The following USP13 variants were observed in gnomAD, a reference collection of about 807,000 sequenced individuals.
The protein encoded by USP13 is ubiquitin carboxyl-terminal hydrolase 13.
USP13 carries 68 observed loss-of-function variants against 107.8 expected under a neutral mutation model. The observed-to-expected ratio is 0.63, with a 90% CI of 0.52 to 0.77. The LOEUF (loss-of-function observed/expected upper bound fraction) is 0.77. Among genes scored for constraint, USP13 ranks in the 30% least tolerant of loss-of-function variants. The pLI is 0.00. For synonymous variants in USP13, 377 were observed against 389.5 expected, an observed-to-expected ratio of 0.97 and a Z score of 0.38; for missense variants, 945 against 1,093.3, an observed-to-expected ratio of 0.86 and a Z score of 1.91.
chr3:179,745,083 A>T lies in USP13; in HGVS notation c.1575A>T (p.Glu525Asp). The part of the protein sequence containing the change: ...IAYELTRREA[E>D]ANRRPLPELV... ...ATGAACTAACGAGAAGGGAAGCAGA[A>T]GCAAACAGAAGACCCCTTCCTGAGT... The change falls in exon 13 of 21, where the codon GAA (glutamate) becomes GAT (aspartate). Residue 525 changes from glutamate (E) to aspartate (D), a missense_variant. Transcript: ENST00000263966. The T allele has an allele frequency of 1.2e-6, 2 of 1,614,212 alleles. No homozygotes were observed. The highest frequency in any genetic ancestry group is 1.7e-6 in the Non-Finnish European group (2 of 1,180,052).
intron 10 of USP13, among the ~76,000 whole-genome samples, chr3:179,733,386 GTGTCCGTTTCAAGCTGTTCCT>G (rs1400905288): frequency 8.5e-5 from 13 of 152,172 alleles, no homozygotes; most frequent in Non-Finnish European, 1.6e-4. Context: ...GGCCCTGGGG[GTGTCCGTTTCAAGCTGTTCCT>G]TGAATAGACA....
chr3:179,728,145 G>A (rs1309753322), intron 8 of USP13, among the ~76,000 whole-genome samples: 106 of 131,952 alleles, frequency 8.0e-4, no homozygotes, highest in African/African-American at 2.6e-3. Flanking sequence ...CAGTAGGGGC[G>A]GCCGGGCAGA....
intron 13 of USP13, 56 bp downstream of exon 13, chr3:179,745,273 G>A: frequency 2.4e-6 from 3 of 1,226,060 alleles, no homozygotes; most frequent in Admixed American, 3.6e-5. Flanking sequence ...GAGGGGTGGG[G>A]ACAGGGGTAA....
rs186355329 is a variant in USP13 at position 179,740,827 on chromosome 3, C to A, written c.1380+455C>A. 2.6e-3 allele frequency among the ~76,000 whole-genome samples: 393 copies of A among 151,136 alleles called. 2 individuals carry two copies. The highest frequency in any genetic ancestry group is 9.1e-3 in the African/African-American group (375 of 41,060). On this transcript the variant is annotated intron_variant, in intron 11 of 20. Transcript: ENST00000263966. Reference sequence around the variant, plus strand: ...TGTTGCCCAGGCTAGAGTGCAGTGGCACAATCTTGGCTCACTGCAACCTCT... The same window carrying A: ...TGTTGCCCAGGCTAGAGTGCAGTGGAACAATCTTGGCTCACTGCAACCTCT...
intron 3 of USP13, among the ~76,000 whole-genome samples, chr3:179,698,091 G>A (rs1231597058): frequency 6.6e-6 from 1 of 152,180 alleles, no homozygotes; most frequent in African/African-American, 2.4e-5. Flanking sequence ...TGTAGTGTGT[G>A]CCAGGCACAG....
chr3:179,765,917 A>C, intron 19 of USP13, 69 bp downstream of exon 19: 2 of 1,503,152 alleles, frequency 1.3e-6, no homozygotes, highest in Non-Finnish European at 9.0e-7. Flanking sequence ...CTTCCCTCCC[A>C]CCACAACATA....
chr3:179,765,930 C>A (rs2108539847), intron 19 of USP13, 82 bp downstream of exon 19: 2 of 1,425,346 alleles, frequency 1.4e-6, no homozygotes, highest in Non-Finnish European at 1.9e-6. Context: ...ACAACATAGT[C>A]AAGCCTTTGC....
intron 4 of USP13, among the ~76,000 whole-genome samples, chr3:179,703,843 A>T (rs191837962): frequency 1.3e-5 from 2 of 152,308 alleles, no homozygotes; most frequent in East Asian, 1.9e-4. Flanking sequence ...ATTATATGTC[A>T]CCTTTTGAAA....
At chr3:179,783,002 C>T (rs1364201236) in intron 20 of USP13, among the ~76,000 whole-genome samples, 1 of 152,136 alleles carries the variant, frequency 6.6e-6, no homozygotes, top group African/African-American at 2.4e-5. Flanking sequence ...GCCTTGGCCT[C>T]CCAAAGTGCT....
At chr3:179,664,967 A>G (rs1451635206) in intron 1 of USP13, among the ~76,000 whole-genome samples, 5 of 152,152 alleles carry the variant, frequency 3.3e-5, no homozygotes, top group Non-Finnish European at 5.9e-5. Flanking sequence ...AGGTGCCTGT[A>G]ATCCCAGCTA....
chr3:179,719,977 T>A lies in USP13; in HGVS notation c.843T>A (p.Asp281Glu), dbSNP rs201368964. The stretch of plus-strand genomic sequence containing the variant: ...TTCAAGAAGAAGAACCTGTTTTGGA[T>A]CCTCATTTGGCCAAGCACTTAGCGC... ...YSFQEEEPVL[D>E]PHLAKHLAHF... Residue 281 changes from aspartate (D) to glutamate (E), a missense_variant, in exon 7 of 21, where the codon GAT becomes GAA. By Grantham distance (45) the Asp-to-Glu change is conservative. Transcript: ENST00000263966. The A allele has an allele frequency of 1.9e-6, 3 of 1,614,134 alleles. No individual in the cohort carries two copies. In the Admixed American group the frequency reaches 5.0e-5, roughly 27 times the overall value.
Position 179,759,004 on chromosome 3 carries a change from C to T in USP13, c.1948+1926C>T, listed in dbSNP as rs531045601. On this transcript the variant is annotated intron_variant, in intron 16 of 20. Transcript: ENST00000263966. ...ATTACACATTTCTTTTTTTTTGAGACGGAGTGTCACTCTGTCACCCAGGCT... is the reference window on the plus strand; with the variant it reads ...ATTACACATTTCTTTTTTTTTGAGATGGAGTGTCACTCTGTCACCCAGGCT... Among the ~76,000 whole-genome samples, 11 of 151,496 alleles carry T rather than the reference C, an allele frequency of 7.3e-5. No individual in the cohort carries two copies. The South Asian group carries it at 8.4e-4, about 12-fold the overall frequency.
At chr3:179,671,638 T>A (rs1720751767) in intron 1 of USP13, among the ~76,000 whole-genome samples, 1 of 152,110 alleles carries the variant, frequency 6.6e-6, no homozygotes, top group Non-Finnish European at 1.5e-5. Context: ...AGCTGAAGAG[T>A]GTTACATTTC....
chr3:179,760,282 G>GTT (rs1363561918), intron 16 of USP13, among the ~76,000 whole-genome samples: 4,812 of 123,410 alleles, frequency 0.039, 415 homozygotes, highest in African/African-American at 0.13. Context: ...GTCTCTTAAT[G>GTT]TTTTTTTTTT....
At chr3:179,740,959 G>T (rs1055955462) in intron 11 of USP13, among the ~76,000 whole-genome samples, 3 of 151,946 alleles carry the variant, frequency 2.0e-5, no homozygotes, top group Non-Finnish European at 4.4e-5. Flanking sequence ...TAGAGATGGG[G>T]TTTCACCATG....
intron 2 of USP13, among the ~76,000 whole-genome samples, chr3:179,688,561 G>A (rs947556649): frequency 1.3e-5 from 2 of 152,168 alleles, no homozygotes; most frequent in Non-Finnish European, 2.9e-5. Flanking sequence ...TGTTGATTTT[G>A]GTTGTTGACT....
chr3:179,696,954 A>G (rs949591778), intron 3 of USP13, among the ~76,000 whole-genome samples: 2 of 152,218 alleles, frequency 1.3e-5, no homozygotes, highest in African/African-American at 4.8e-5. Context: ...TAATGCATTT[A>G]ATTTAAAAAA....
Position 179,761,178 on chromosome 3 carries a change from G to T in USP13, c.2015G>T (p.Arg672Leu), listed in dbSNP as rs200079140. 4 of 1,614,030 alleles carry T rather than the reference G, an allele frequency of 2.5e-6. No homozygotes were observed. Among genetic ancestry groups the T allele is most frequent in the African/African-American group, 1.3e-5 (1 of 74,910 alleles). ...AEMGFPLEAC[R>L]KAVYFTGNMG... is the part of the protein sequence containing the mutation. ...ATGGGTTTCCCGCTGGAAGCATGTCGCAAGGCTGTGTACTTCACTGGAAAT... is the reference window on the plus strand; with the variant it reads ...ATGGGTTTCCCGCTGGAAGCATGTCTCAAGGCTGTGTACTTCACTGGAAAT... Residue 672 changes from arginine to leucine, a missense_variant, in exon 17 of 21, where the codon CGC becomes CTC. Arg to Leu is a moderately radical substitution (Grantham distance 102). Coordinates refer to ENST00000263966, the MANE Select transcript of USP13 (RefSeq NM_003940.3).
chr3:179,682,158 A>G (rs6807974), intron 2 of USP13, among the ~76,000 whole-genome samples, 155 bp downstream of exon 2: 24,774 of 151,724 alleles, frequency 0.16, 2,174 homozygotes, highest in Non-Finnish European at 0.18. Flanking sequence ...AAATCCAGAG[A>G]GTCTCCCAAA....
Sources: allele counts gnomAD v4.1 joint callset (sites outside exome capture counted in the v4.1 genomes callset), GRCh38; gene constraint gnomAD v4.1.1; transcripts MANE v1.5; gene names NCBI Gene and HGNC (gene_info 2026-07-23, HGNC 2026-07-21).